ADGRL3: variants seen among roughly 807,000 people sequenced by gnomAD.
The protein encoded by ADGRL3 is calcium-independent alpha-latrotoxin receptor 3.
ADGRL3 carries 62 observed loss-of-function variants against 153.5 expected under a neutral mutation model. The ratio of observed to expected loss-of-function variants is 0.40; its 90% CI spans 0.33 to 0.50. ADGRL3 has a LOEUF of 0.50. Among genes scored for constraint, ADGRL3 ranks in the 20% least tolerant of loss-of-function variants. The pLI, the probability that ADGRL3 is intolerant of heterozygous loss-of-function variation, is 0.47. For synonymous variants in ADGRL3, 710 were observed against 672.5 expected (o/e 1.06, Z -0.86); for missense variants, 1,641 against 1,859.4 (o/e 0.88, Z 2.16).
chr4:61,328,341 C>T (rs561648320), intron 1 of ADGRL3, among the ~76,000 whole-genome samples: 1 of 152,082 alleles, frequency 6.6e-6, no homozygotes, highest in South Asian at 2.1e-4. Context: ...ACATTTATTT[C>T]GGAGATAGTA....
At chr4:61,635,718 A>C (rs148806361) in intron 5 of ADGRL3, among the ~76,000 whole-genome samples, 1 of 152,140 alleles carries the variant, frequency 6.6e-6, no homozygotes, top group African/African-American at 2.4e-5. Flanking sequence ...CTTAAATAAA[A>C]ATTTTTTCTT....
In ADGRL3 at chr4:61,433,356, C is replaced by CTTT. The variant is rs77395683; in HGVS notation, c.-174+50174_-174+50176dup. ...TTTGTAGTTTCAGGACTGTGAATAG[C>CTTT]TTTTTTTTTAAAAAAAAATCAGGCC... On this transcript the variant is annotated intron_variant, in intron 2 of 26. Coordinates refer to ENST00000683033, the MANE Select transcript of ADGRL3 (RefSeq NM_001387552.1). 1.2e-3 allele frequency among the ~76,000 whole-genome samples: 118 copies of CTTT among 101,916 alleles called. 1 individual carries two copies. In the Middle Eastern group the frequency reaches 0.028, roughly 24 times the overall value. The allele number at this position is 101,916 out of a possible 152,430, so 66.9% of individuals were successfully genotyped here.
intron 1 of ADGRL3, among the ~76,000 whole-genome samples, chr4:61,368,886 G>T (rs955155308): frequency 5.9e-5 from 9 of 152,122 alleles, no homozygotes; most frequent in Non-Finnish European, 1.2e-4. Context: ...CCATTTGTTT[G>T]TATCCTCTTT....
At chr4:61,552,352 C>G (rs1377153121) in intron 4 of ADGRL3, among the ~76,000 whole-genome samples, 1 of 152,140 alleles carries the variant, frequency 6.6e-6, no homozygotes, top group Non-Finnish European at 1.5e-5. Context: ...ATAAGAAAAT[C>G]CCCGGAAGAT....
chr4:61,918,273 T>G (rs1292873981), intron 13 of ADGRL3, among the ~76,000 whole-genome samples: 2 of 152,190 alleles, frequency 1.3e-5, no homozygotes, highest in African/African-American at 4.8e-5. Flanking sequence ...GTTGAGATGG[T>G]CTATTTGCAA....
At chr4:61,731,401 TA>T (rs1232548119) in intron 7 of ADGRL3, among the ~76,000 whole-genome samples, 1 of 152,032 alleles carries the variant, frequency 6.6e-6, no homozygotes, top group Non-Finnish European at 1.5e-5. Flanking sequence ...CTTTAATCAT[TA>T]AAAAAGGGTC....
chr4:61,736,408 C>CTT (rs2096513920), intron 8 of ADGRL3, among the ~76,000 whole-genome samples: 6 of 152,132 alleles, frequency 3.9e-5, no homozygotes, highest in Admixed American at 3.3e-4. Context: ...AATCCCAGCA[C>CTT]TTTGGGAGGG....
chr4:61,821,256 A>G (rs941524879), intron 9 of ADGRL3, among the ~76,000 whole-genome samples: 10 of 151,384 alleles, frequency 6.6e-5, no homozygotes, highest in African/African-American at 1.7e-4. Context: ...TAATGATGCT[A>G]TTTTGAATAT....
chr4:61,211,377 A>G (rs1457297390), intron 1 of ADGRL3, among the ~76,000 whole-genome samples: 2 of 152,194 alleles, frequency 1.3e-5, no homozygotes, highest in African/African-American at 4.8e-5. Flanking sequence ...CACAGTCTAA[A>G]TTAAGTTCTC....
intron 1 of ADGRL3, among the ~76,000 whole-genome samples, chr4:61,243,929 A>G (rs1451116060): frequency 6.6e-6 from 1 of 152,062 alleles, no homozygotes; most frequent in Non-Finnish European, 1.5e-5. Context: ...ACTACTAAAA[A>G]TATTTTCATG....
intron 11 of ADGRL3, among the ~76,000 whole-genome samples, chr4:61,897,788 G>C (rs1201969277): frequency 6.6e-6 from 1 of 152,000 alleles, no homozygotes; most frequent in South Asian, 2.1e-4. Flanking sequence ...TGTAATACCT[G>C]TGTAGTACCA....
intron 1 of ADGRL3, among the ~76,000 whole-genome samples, chr4:61,273,627 A>T (rs896126498): frequency 5.9e-5 from 9 of 151,978 alleles, no homozygotes; most frequent in South Asian, 2.1e-4. Context: ...CTACAGTAAA[A>T]TTTTTTTTAC....
intron 15 of ADGRL3, among the ~76,000 whole-genome samples, chr4:61,938,663 C>G (rs1323966352): frequency 6.6e-6 from 1 of 152,028 alleles, no homozygotes; most frequent in African/African-American, 2.4e-5. Context: ...TGTACCACTT[C>G]CTGCTTCTTT....
chr4:61,967,674 T>G (rs1367409047), intron 17 of ADGRL3, among the ~76,000 whole-genome samples: 2 of 152,254 alleles, frequency 1.3e-5, no homozygotes, highest in Admixed American at 6.5e-5. Flanking sequence ...CATCTATGAA[T>G]TCATTCTATA....
intron 19 of ADGRL3, among the ~76,000 whole-genome samples, chr4:61,991,494 A>C (rs1490735997): frequency 3.3e-5 from 5 of 152,112 alleles, no homozygotes; most frequent in African/African-American, 1.2e-4. Flanking sequence ...TCTTTTAAAA[A>C]ATATAACATG....
chr4:61,580,620 G>A (rs755991286), intron 4 of ADGRL3, among the ~76,000 whole-genome samples: 19 of 151,946 alleles, frequency 1.3e-4, no homozygotes, highest in Non-Finnish European at 2.2e-4. Context: ...TAATTAGTTG[G>A]GTATAGCCCC....
chr4:61,759,927 G>C (rs1013926734), intron 8 of ADGRL3, among the ~76,000 whole-genome samples: 1 of 152,118 alleles, frequency 6.6e-6, no homozygotes, highest in African/African-American at 2.4e-5. Flanking sequence ...GGAGTTTGCC[G>C]GAGGTCTGCT....
chr4:61,750,653 A>G (rs1238472171), intron 8 of ADGRL3, among the ~76,000 whole-genome samples: 7 of 151,236 alleles, frequency 4.6e-5, no homozygotes, highest in African/African-American at 9.7e-5. Context: ...AGCCGGGCGT[A>G]GTGGCGGGCG....
intron 5 of ADGRL3, among the ~76,000 whole-genome samples, chr4:61,661,501 AG>A (rs1355058482): frequency 6.6e-6 from 1 of 152,116 alleles, no homozygotes; most frequent in Non-Finnish European, 1.5e-5. Context: ...TGAATAATAA[AG>A]TCTACTACAT....
Sources: allele counts gnomAD v4.1 joint callset (sites outside exome capture counted in the v4.1 genomes callset), GRCh38; gene constraint gnomAD v4.1.1; transcripts MANE v1.5; gene names NCBI Gene and HGNC (gene_info 2026-07-23, HGNC 2026-07-21).